Variants in WDR26 observed in about 807,000 individuals in gnomAD.
The protein encoded by WDR26 is WD repeat domain 26, also known as WD repeat-containing protein 26.
Under a neutral mutation model 84.1 loss-of-function variants are expected in WDR26, and 5 were observed. That is an observed-to-expected ratio of 0.06 (90% CI 0.03 to 0.13). The LOEUF (loss-of-function observed/expected upper bound fraction) is 0.13. Among genes scored for constraint, WDR26 ranks in the 10% least tolerant of loss-of-function variants. The probability of loss-of-function intolerance (pLI) is 1.00; values close to 1 mark genes in which losing one functional copy is unlikely to be tolerated. For missense variants in WDR26, 642 were observed against 974.9 expected (o/e 0.66, Z 4.55); for synonymous variants, 415 against 389.6 (o/e 1.07, Z -0.77).
At chr1:224,394,661 T>C (rs1673213225) in intron 12 of WDR26, among the ~76,000 whole-genome samples, 1 of 152,058 alleles carries the variant, frequency 6.6e-6, no homozygotes, top group African/African-American at 2.4e-5. Context: ...TGTGTGACCA[T>C]GCCCGGCTAA....
In WDR26 at chr1:224,385,291, A is replaced by AT. The variant is rs1491385220; in HGVS notation, c.*4543dup. 2 of 152,236 alleles carry AT rather than the reference A, an allele frequency of 1.3e-5. No individual in the cohort carries two copies. The highest frequency in any genetic ancestry group is 2.9e-5 in the Non-Finnish European group (2 of 68,018). The allele number at this position is 152,236 out of a possible 1,614,324, so 9.4% of individuals were successfully genotyped here. The stretch of plus-strand genomic sequence containing the variant: ...TTAATGTAGTTTCAGTTGAACAAAA[A>AT]TTTAAAGACGTTTAATACATTACAC... On this transcript the variant is annotated 3_prime_UTR_variant, in exon 14 of 14. Coordinates refer to ENST00000414423, the MANE Select transcript of WDR26 (RefSeq NM_001379403.1).
At chr1:224,392,048 T>C (rs947059332) in intron 13 of WDR26, among the ~76,000 whole-genome samples, 6 of 152,120 alleles carry the variant, frequency 3.9e-5, no homozygotes, top group African/African-American at 1.2e-4. Context: ...TCTTATTCCA[T>C]TGCTATGGAG....
At position 224,415,549 on chromosome 1, in the gene WDR26, C is replaced by T. The variant is rs556978308; in HGVS notation, c.1319+2711G>A. Among the ~76,000 whole-genome samples the T allele has an allele frequency of 2.7e-5, 4 of 149,932 alleles. 1 individual carries two copies. The highest frequency in any genetic ancestry group is 7.0e-3 in the Middle Eastern group (2 of 286). On this transcript the variant is annotated intron_variant, in intron 6 of 13. Coordinates refer to ENST00000414423, the MANE Select transcript of WDR26 (RefSeq NM_001379403.1). ...GATCTCTGCTCACTGCAACCTCTGC[C>T]TCCCAGGTTCAAGTGATTCTCCTGC...
chr1:224,433,808 C>CGGT lies in WDR26; in HGVS notation c.595_597dup (p.Thr199dup). On this transcript the variant is annotated inframe_insertion, in exon 1 of 14. Coordinates refer to ENST00000414423, the MANE Select transcript of WDR26 (RefSeq NM_001379403.1). ...GGGGTGGCCAAGGAAGAGGAGGCGG[C>CGGT]GGTGGTGGCGGAGGCAGCTGCGACG... 6.5e-7 allele frequency: 1 copy of CGGT among 1,536,892 alleles called. No individual in the cohort carries two copies. The highest frequency in any genetic ancestry group is 8.7e-7 in the Non-Finnish European group (1 of 1,146,788).
At chr1:224,415,503 C>T (rs1321787162) in intron 6 of WDR26, among the ~76,000 whole-genome samples, 1 of 127,778 alleles carries the variant, frequency 7.8e-6, no homozygotes, top group Non-Finnish European at 1.6e-5. Context: ...CTCTGTCGCC[C>T]AAGCTGGAGT....
Position 224,389,664 on chromosome 1 carries a change from C to A in WDR26, c.*171G>T. On this transcript the variant is annotated 3_prime_UTR_variant, in exon 14 of 14. Coordinates refer to ENST00000414423, the MANE Select transcript of WDR26 (RefSeq NM_001379403.1). ...CGACGTGCTTCATCTCAACTGGTTA[C>A]TATGAAGCAAGGTGTAAATGTTTGG... 1 of 685,872 alleles carries A rather than the reference C, an allele frequency of 1.5e-6. No individual in the cohort carries two copies. The highest frequency in any genetic ancestry group is 2.5e-6 in the Non-Finnish European group (1 of 393,824). The allele number at this position is 685,872 out of a possible 1,614,324, so 42.5% of individuals were successfully genotyped here. A position where few individuals can be genotyped will look rare whatever the true frequency, so the allele number is the denominator to read the frequency against.
At chr1:224,408,474 T>C (rs1255112059) in intron 7 of WDR26, among the ~76,000 whole-genome samples, 1 of 152,202 alleles carries the variant, frequency 6.6e-6, no homozygotes, top group Non-Finnish European at 1.5e-5. Context: ...GAAAAACTAA[T>C]AAAGCACAGT....
chr1:224,401,094 G>A, intron 8 of WDR26, 25 bp from the exon 9 acceptor site: 1 of 1,604,112 alleles, frequency 6.2e-7, no homozygotes, highest in Admixed American at 1.7e-5. Context: ...AACTGTAAAT[G>A]AGACCTTCAA....
At chr1:224,394,505 CTT>C (rs34687215) in intron 12 of WDR26, among the ~76,000 whole-genome samples, 9 of 146,486 alleles carry the variant, frequency 6.1e-5, no homozygotes, top group Non-Finnish European at 7.5e-5. Flanking sequence ...TCTGCTTATC[CTT>C]TTTTTTTTTT....
At chr1:224,431,826 G>C (rs1422057329) in intron 1 of WDR26, 45 bp from the exon 2 acceptor site, 1 of 1,450,332 alleles carries the variant, frequency 6.9e-7, no homozygotes, top group African/African-American at 1.4e-5. Context: ...CAATTTTAGG[G>C]TTTTAATCCT....
At position 224,434,288 on chromosome 1, in the gene WDR26, C is replaced by T; in HGVS notation, c.118G>A (p.Gly40Arg). The T allele has an allele frequency of 8.1e-7, 1 of 1,242,232 alleles. No individual in the cohort carries two copies. Among genetic ancestry groups the T allele is most frequent in the Non-Finnish European group, 1.0e-6 (1 of 993,724 alleles). The allele number at this position is 1,242,232 out of a possible 1,614,324, so 77.0% of individuals were successfully genotyped here. The change falls in exon 1 of 14, where the codon GGA (glycine) becomes AGA (arginine). Residue 40 changes from glycine to arginine, a missense_variant. This residue lies in a region of WDR26 where 291 missense variants were observed against 302.1 expected (regional missense o/e 0.96). Coordinates refer to ENST00000414423, the MANE Select transcript of WDR26 (RefSeq NM_001379403.1). ...CTGCCTGCCGAAGCCCCGGGCTCTC[C>T]TACTCCCTCCGCCGCCGAGGCTCGG...
intron 7 of WDR26, among the ~76,000 whole-genome samples, chr1:224,410,153 C>T (rs369073670): frequency 1.8e-3 from 264 of 150,844 alleles, no homozygotes; most frequent in African/African-American, 6.1e-3. Flanking sequence ...TGGTGGCAAG[C>T]GCTTGTAATC....
intron 4 of WDR26, among the ~76,000 whole-genome samples, chr1:224,423,242 C>T (rs1572206909): frequency 1.3e-5 from 2 of 152,086 alleles, no homozygotes; most frequent in Admixed American, 1.3e-4. Context: ...CTTTTTCTTG[C>T]CTAATTTCCT....
intron 5 of WDR26, 165 bp downstream of exon 5, chr1:224,419,353 T>C: frequency 1.7e-6 from 1 of 593,368 alleles, no homozygotes; most frequent in Non-Finnish European, 3.0e-6. Context: ...CTCCTGAGGT[T>C]AGCTTCTTAG....
intron 3 of WDR26, among the ~76,000 whole-genome samples, chr1:224,425,281 C>A (rs556253335): frequency 6.6e-6 from 1 of 152,332 alleles, no homozygotes; most frequent in Non-Finnish European, 1.5e-5. Context: ...CAAGCATAAG[C>A]TTGATGCACT....
chr1:224,399,396 G>C (rs988676430), intron 9 of WDR26, among the ~76,000 whole-genome samples: 1 of 152,168 alleles, frequency 6.6e-6, no homozygotes, highest in African/African-American at 2.4e-5. Context: ...ACTGGAATTT[G>C]TCCTAATATT....
At chr1:224,404,349 T>G (rs1673496780) in intron 8 of WDR26, 81 bp downstream of exon 8, 2 of 1,478,766 alleles carry the variant, frequency 1.4e-6, no homozygotes, top group Admixed American at 2.2e-5. Context: ...TTATATTATA[T>G]AAATCAATAA....
In WDR26 at chr1:224,406,191, GA is replaced by G. The variant is rs528023107; in HGVS notation, c.1459-1622del. Reference sequence around the variant, plus strand: ...CATAGGGAGATCCCTGTTATAAAAAGAAAAAAAGATATTGTGGAGATAAAAA... The same window carrying G: ...CATAGGGAGATCCCTGTTATAAAAAGAAAAAAGATATTGTGGAGATAAAAA... On this transcript the variant is annotated intron_variant, in intron 7 of 13. Transcript: ENST00000414423. Among the ~76,000 whole-genome samples the G allele has an allele frequency of 5.3e-3, 804 of 151,824 alleles. 12 individuals carry two copies. The highest frequency in any genetic ancestry group is 0.018 in the African/African-American group (762 of 41,458).
intron 12 of WDR26, among the ~76,000 whole-genome samples, chr1:224,397,239 T>C (rs893628403): frequency 6.6e-6 from 1 of 152,188 alleles, no homozygotes; most frequent in Non-Finnish European, 1.5e-5. Context: ...AGTACTCCCA[T>C]CTAGGCCTCC....
Sources: gnomAD v4.1 joint callset for allele counts (sites outside exome capture counted in the v4.1 genomes callset) on GRCh38, gnomAD v4.1.1 for gene constraint, gnomAD v4.1.1 regional missense constraint, MANE v1.5 for transcripts, NCBI Gene and HGNC (gene_info 2026-07-23, HGNC 2026-07-21) for gene names.